Variants in SNAP47 observed in about 807,000 individuals in gnomAD.
The protein encoded by SNAP47 is synaptosome associated protein 47.
A neutral mutation model predicts 31.4 loss-of-function variants in SNAP47; 20 were observed. That is an observed-to-expected ratio of 0.64 (90% CI 0.45 to 0.93). The LOEUF (loss-of-function observed/expected upper bound fraction) is 0.93. Among genes scored for constraint, SNAP47 ranks in the 40% least tolerant of loss-of-function variants. The pLI, the probability that SNAP47 is intolerant of heterozygous loss-of-function variation, is 0.00. For missense variants in SNAP47, 492 were observed against 528.5 expected (o/e 0.93, Z 0.68); for synonymous variants, 194 against 213.4 (o/e 0.91, Z 0.79).
At chr1:227,768,383 C>T (rs2102980447) in intron 4 of SNAP47, 1 of 961,414 alleles carries the variant, frequency 1.0e-6, no homozygotes. Context: ...GGGGCTCTGT[C>T]AGGCCCGGCC....
At position 227,757,619 on chromosome 1, in the gene SNAP47, G is replaced by A. The variant is rs374298110; in HGVS notation, c.498-1376G>A. Among the ~76,000 whole-genome samples the A allele has an allele frequency of 1.1e-4, 16 of 152,348 alleles. No individual in the cohort carries two copies. In the East Asian group the frequency reaches 3.1e-3, roughly 29 times the overall value. ...TCTTCCCATTGATGTATGGGATACT[G>A]AAGCCAACGGCAGGTCTAGTAACTG... On this transcript the variant is annotated intron_variant, in intron 2 of 4. Coordinates refer to ENST00000617596, the MANE Select transcript of SNAP47 (RefSeq NM_053052.4).
intron 2 of SNAP47, among the ~76,000 whole-genome samples, chr1:227,753,874 G>A (rs1357062034): frequency 6.6e-6 from 1 of 152,072 alleles, no homozygotes; most frequent in African/African-American, 2.4e-5. Context: ...ACAGCATCTA[G>A]GGGTGGATGT....
At chr1:227,771,679 C>G (rs1179586094) in intron 4 of SNAP47, among the ~76,000 whole-genome samples, 2 of 148,370 alleles carry the variant, frequency 1.3e-5, no homozygotes, top group Non-Finnish European at 3.0e-5. Flanking sequence ...CACCCCCACC[C>G]TCTGCTTTTG....
chr1:227,754,892 T>A (rs890869144), intron 2 of SNAP47, among the ~76,000 whole-genome samples: 5 of 152,244 alleles, frequency 3.3e-5, no homozygotes, highest in African/African-American at 1.2e-4. Context: ...TGAGACCTTT[T>A]TCTTTAGAAC....
At chr1:227,767,475 C>T (rs1663490841) in intron 4 of SNAP47, among the ~76,000 whole-genome samples, 1 of 152,086 alleles carries the variant, frequency 6.6e-6, no homozygotes, top group Non-Finnish European at 1.5e-5. Context: ...AGTATGTGTG[C>T]TATGTGTACA....
chr1:227,763,438 G>A lies in SNAP47; in HGVS notation c.989-3521G>A, dbSNP rs1451398159. Among the ~76,000 whole-genome samples, 8 of 152,240 alleles carry A rather than the reference G, an allele frequency of 5.3e-5. No homozygotes were observed. Among genetic ancestry groups the A allele is most frequent in the Non-Finnish European group, 1.2e-4 (8 of 68,044 alleles). On this transcript the variant is annotated intron_variant, in intron 3 of 4. Transcript: ENST00000617596. This position sits in a 1 kb window ranked among gnomAD's most constrained non-coding sequence, Gnocchi z 4.2. ...AGCAGCAGGACAGGGCAGGAGGCAG[G>A]CGGATGCAGTGGGCAGTTAGTAAAG...
chr1:227,779,949 G>T (rs1435579717), intron 4 of SNAP47, among the ~76,000 whole-genome samples: 1 of 152,158 alleles, frequency 6.6e-6, no homozygotes, highest in East Asian at 1.9e-4. Context: ...CACGGTGCTG[G>T]CTGCCCTCCA....
chr1:227,770,950 T>G (rs6695545), intron 4 of SNAP47, among the ~76,000 whole-genome samples: 18,476 of 152,168 alleles, frequency 0.12, 1,636 homozygotes, highest in East Asian at 0.38. Context: ...CTGGGCCCAC[T>G]GGGAGTGTGT....
At chr1:227,748,370 T>G (rs1662118706) in intron 2 of SNAP47, 137 bp downstream of exon 2, 4 of 974,190 alleles carry the variant, frequency 4.1e-6, no homozygotes, top group Non-Finnish European at 5.9e-6. Context: ...GTGCACCTGC[T>G]GTACATGCTT....
At chr1:227,735,643 T>G (rs937693365) in intron 1 of SNAP47, 144 bp downstream of exon 1, 2 of 1,313,762 alleles carry the variant, frequency 1.5e-6, no homozygotes, top group African/African-American at 1.6e-5. Context: ...CGGGCTGCGC[T>G]GGGAGAGGGG....
intron 4 of SNAP47, among the ~76,000 whole-genome samples, chr1:227,775,171 C>T (rs1195345611): frequency 1.3e-5 from 2 of 152,340 alleles, no homozygotes; most frequent in Non-Finnish European, 2.9e-5. Context: ...TCTGCGAGTG[C>T]CGAGTGTGAC....
intron 1 of SNAP47, among the ~76,000 whole-genome samples, chr1:227,740,754 AG>A (rs1242984019): frequency 6.6e-6 from 1 of 152,004 alleles, no homozygotes; most frequent in South Asian, 2.1e-4. Context: ...ATGTTTCTTG[AG>A]GGGGAGGAAG....
chr1:227,765,311 C>T (rs2102970816), intron 3 of SNAP47, among the ~76,000 whole-genome samples: 1 of 152,330 alleles, frequency 6.6e-6, no homozygotes, highest in South Asian at 2.1e-4. Context: ...TTGTGCCCCT[C>T]CATTCCTGTG....
At chr1:227,735,137 C>G (rs778490477), upstream of SNAP47, 5 of 1,580,952 alleles carry the variant, frequency 3.2e-6, no homozygotes, top group Admixed American at 3.6e-5. Flanking sequence ...CAAGAAGCCC[C>G]GCACAAAGTC....
chr1:227,779,636 G>A (rs1664349780), intron 4 of SNAP47, among the ~76,000 whole-genome samples: 2 of 152,216 alleles, frequency 1.3e-5, no homozygotes, highest in Admixed American at 1.3e-4. Context: ...TTCCTTTCCA[G>A]TGTATTCTTC....
chr1:227,747,830 C>A lies in SNAP47; in HGVS notation c.94C>A (p.Leu32Met). The A allele has an allele frequency of 6.2e-7, 1 of 1,614,200 alleles. No individual in the cohort carries two copies. Among genetic ancestry groups the A allele is most frequent in the South Asian group, 1.1e-5 (1 of 91,084 alleles). The change falls in exon 2 of 5, where the codon CTG becomes ATG. Residue 32 changes from leucine to methionine, a missense_variant. Physicochemically the swap from Leu to Met is conservative, Grantham distance 15. Coordinates refer to ENST00000617596, the MANE Select transcript of SNAP47 (RefSeq NM_053052.4). ...WVTGQLSLTS[L>M]SLRFMTDSTG... ...TACTGGACAGCTGTCCTTAACATCG[C>A]TGTCGCTCAGGTTCATGACTGACAG...
chr1:227,731,267 T>A (rs917847442), upstream of SNAP47: 1 of 152,266 alleles, frequency 6.6e-6, no homozygotes, highest in African/African-American at 2.4e-5. Context: ...GCACTTCACA[T>A]GATTCACTGA....
At chr1:227,749,299 C>T (rs1171375602) in intron 2 of SNAP47, among the ~76,000 whole-genome samples, 2 of 152,092 alleles carry the variant, frequency 1.3e-5, no homozygotes, top group Non-Finnish European at 2.9e-5. Flanking sequence ...GGGGTCCTGT[C>T]TGGAGCGTGA....
chr1:227,732,368 G>A (rs371205025), upstream of SNAP47: 26 of 1,604,778 alleles, frequency 1.6e-5, no homozygotes, highest in Admixed American at 1.7e-5. Context: ...TCTTCCACCC[G>A]TCCTTCTATC....
Sources: allele counts gnomAD v4.1 joint callset (sites outside exome capture counted in the v4.1 genomes callset), GRCh38; gene constraint gnomAD v4.1.1; non-coding constraint Gnocchi (gnomAD v3.1); transcripts MANE v1.5; gene names NCBI Gene and HGNC (gene_info 2026-07-23, HGNC 2026-07-21).